Variants in DSCAM observed in about 807,000 individuals in gnomAD.
DSCAM encodes the protein DS cell adhesion molecule, also known as cell adhesion molecule DSCAM.
DSCAM carries 47 observed loss-of-function variants against 217.7 expected under a neutral mutation model. The ratio of observed to expected loss-of-function variants is 0.22; its 90% CI spans 0.17 to 0.28. The LOEUF (loss-of-function observed/expected upper bound fraction) is 0.28, where lower values mean the gene tolerates loss of function less well. Among genes scored for constraint, DSCAM ranks in the 10% least tolerant of loss-of-function variants. DSCAM has a pLI of 1.00. For synonymous variants in DSCAM, 1,056 were observed against 1,015.3 expected (o/e 1.04, Z -0.76); for missense variants, 2,080 against 2,618.3 (o/e 0.79, Z 4.49).
rs566958875 is a variant in DSCAM, at chr21:40,205,753, A to G, written c.2357-16515T>C. 5.3e-5 allele frequency among the ~76,000 whole-genome samples: 8 copies of G among 152,278 alleles called. No homozygotes were observed. The South Asian group carries it at 1.7e-3, about 32-fold the overall frequency. On this transcript the variant is annotated intron_variant, in intron 11 of 32. Coordinates refer to ENST00000400454, the MANE Select transcript of DSCAM (RefSeq NM_001389.5). ...TGTCCCCAATTCTTTGCCTCGGTGA[A>G]TATTATATTGTATATTTCCCCATAT...
intron 1 of DSCAM, among the ~76,000 whole-genome samples, chr21:40,839,211 G>A (rs911171551): frequency 2.0e-5 from 3 of 152,092 alleles, no homozygotes; most frequent in African/African-American, 4.8e-5. Flanking sequence ...TTGTCTGCCC[G>A]ACACAGACTG....
At chr21:40,043,944 T>C in intron 31 of DSCAM, 134 bp downstream of exon 31, 1 of 912,958 alleles carries the variant, frequency 1.1e-6, no homozygotes, top group South Asian at 1.6e-5. Context: ...CGCGTAACAA[T>C]TTGAAAGTGA....
At chr21:40,516,682 G>A (rs1038279943) in intron 3 of DSCAM, among the ~76,000 whole-genome samples, 2 of 152,082 alleles carry the variant, frequency 1.3e-5, no homozygotes, top group Non-Finnish European at 2.9e-5. Context: ...CTCTATCTGC[G>A]ACTAGGCAGA....
chr21:40,362,193 T>C (rs1257160836), intron 4 of DSCAM, among the ~76,000 whole-genome samples: 1 of 152,164 alleles, frequency 6.6e-6, no homozygotes, highest in East Asian at 1.9e-4. Flanking sequence ...TTGGGTTGGT[T>C]CCAAGTCTTT....
intron 11 of DSCAM, among the ~76,000 whole-genome samples, chr21:40,227,294 A>G (rs955940179): frequency 6.6e-6 from 1 of 152,216 alleles, no homozygotes; most frequent in Non-Finnish European, 1.5e-5. Flanking sequence ...TCCAGAAGAC[A>G]GGTGCATCCT....
At chr21:40,463,199 A>C (rs534399158) in intron 3 of DSCAM, among the ~76,000 whole-genome samples, 1 of 152,238 alleles carries the variant, frequency 6.6e-6, no homozygotes, top group East Asian at 1.9e-4. Context: ...ATTATTGCAC[A>C]CCTACTAGAT....
chr21:40,339,796 A>T (rs1039482569), intron 6 of DSCAM, among the ~76,000 whole-genome samples: 4 of 152,066 alleles, frequency 2.6e-5, no homozygotes, highest in African/African-American at 9.7e-5. Flanking sequence ...CAGTCACTTT[A>T]TCTGTTAGGT....
chr21:40,257,469 AAC>A (rs141911963), intron 11 of DSCAM, among the ~76,000 whole-genome samples: 106 of 144,532 alleles, frequency 7.3e-4, no homozygotes, highest in Middle Eastern at 3.5e-3. Context: ...GTATTTGCTG[AAC>A]ACACACACAC....
chr21:40,051,429 G>A (rs571877816), intron 30 of DSCAM, among the ~76,000 whole-genome samples: 5 of 152,234 alleles, frequency 3.3e-5, no homozygotes, highest in African/African-American at 1.2e-4. Context: ...TGTGTTCAGG[G>A]GCAAAAGCAT....
chr21:40,114,941 T>C (rs1277743234), intron 20 of DSCAM, among the ~76,000 whole-genome samples: 7 of 152,126 alleles, frequency 4.6e-5, no homozygotes, highest in Non-Finnish European at 8.8e-5. Flanking sequence ...TGTGGAGAAA[T>C]AGGAACACTT....
chr21:40,191,473 T>A (rs560879574), intron 11 of DSCAM, among the ~76,000 whole-genome samples: 1 of 151,958 alleles, frequency 6.6e-6, no homozygotes, highest in South Asian at 2.1e-4. Context: ...TTGGTTCTGA[T>A]CCCCCCCTTC....
At chr21:40,178,250 C>T (rs557250892) in intron 15 of DSCAM, among the ~76,000 whole-genome samples, 37 of 152,048 alleles carry the variant, frequency 2.4e-4, no homozygotes, top group African/African-American at 6.5e-4. Context: ...TACACTGGTG[C>T]GTGCCTGTGT....
chr21:40,187,462 C>G (rs1046094011), intron 13 of DSCAM, among the ~76,000 whole-genome samples: 26 of 152,290 alleles, frequency 1.7e-4, no homozygotes, highest in African/African-American at 6.3e-4. Context: ...ATTTTCATAG[C>G]CCTTAAGAAC....
At chr21:40,047,569 G>T (rs1315024018) in intron 30 of DSCAM, among the ~76,000 whole-genome samples, 2 of 152,164 alleles carry the variant, frequency 1.3e-5, no homozygotes, top group Non-Finnish European at 2.9e-5. Flanking sequence ...TGGGATGAGA[G>T]AGGATTTTGT....
intron 2 of DSCAM, among the ~76,000 whole-genome samples, chr21:40,693,401 C>G (rs2090560816): frequency 1.3e-5 from 2 of 152,020 alleles, no homozygotes; most frequent in Admixed American, 1.3e-4. Context: ...TCACTGCACC[C>G]AGCCTGGGTG....
At chr21:40,126,928 G>C (rs2090100019) in intron 19 of DSCAM, among the ~76,000 whole-genome samples, 1 of 152,206 alleles carries the variant, frequency 6.6e-6, no homozygotes, top group South Asian at 2.1e-4. Context: ...TCTTTTCAGA[G>C]CTAGAACTTA....
chr21:40,507,313 G>A (rs1317784235), intron 3 of DSCAM, among the ~76,000 whole-genome samples: 1 of 151,874 alleles, frequency 6.6e-6, no homozygotes, highest in Admixed American at 6.6e-5. Flanking sequence ...TAAAAAAACA[G>A]CCGCAACTAT....
Position 40,265,085 on chromosome 21 carries a change from C to T in DSCAM, c.2356+11012G>A, listed in dbSNP as rs556866837. Among the ~76,000 whole-genome samples the T allele has an allele frequency of 2.0e-4, 30 of 151,560 alleles. No individual in the cohort carries two copies. In the South Asian group the frequency reaches 5.8e-3, roughly 29 times the overall value. ...ACAGGCATCTATAATCCCAGCTACT[C>T]GGGAAGCTGAGGCAGGAGAACCGCC... On this transcript the variant is annotated intron_variant, in intron 11 of 32. Transcript: ENST00000400454.
intron 3 of DSCAM, among the ~76,000 whole-genome samples, chr21:40,553,841 G>C (rs181371509): frequency 3.3e-5 from 5 of 152,160 alleles, no homozygotes; most frequent in East Asian, 1.9e-4. Context: ...AAAAATAAAA[G>C]GTTCATGAAA....
Sources: gnomAD v4.1 joint callset for allele counts (sites outside exome capture counted in the v4.1 genomes callset) on GRCh38, gnomAD v4.1.1 for gene constraint, MANE v1.5 for transcripts, NCBI Gene and HGNC (gene_info 2026-07-23, HGNC 2026-07-21) for gene names.